GPRIN3: variants seen among roughly 807,000 people sequenced by gnomAD.
GPRIN3 encodes the protein G protein-regulated inducer of neurite outgrowth 3.
A neutral mutation model predicts 13.7 loss-of-function variants in GPRIN3; 12 were observed. That is an observed-to-expected ratio of 0.87 (90% CI 0.56 to 1.42). GPRIN3 has a LOEUF of 1.42. GPRIN3 is among the 40% of genes most tolerant of loss of function. The pLI is 0.00. For synonymous variants in GPRIN3, 377 were observed against 372.7 expected, an observed-to-expected ratio of 1.01 and a Z score of -0.13; for missense variants, 1,009 against 958.7, an observed-to-expected ratio of 1.05 and a Z score of -0.69.
At chr4:89,257,330 A>C (rs1723494014) in intron 1 of GPRIN3, among the ~76,000 whole-genome samples, 1 of 152,190 alleles carries the variant, frequency 6.6e-6, no homozygotes, top group African/African-American at 2.4e-5. Context: ...ACTGTAAGCA[A>C]GACTGGATAA....
rs1306169815 is a variant in GPRIN3, at chr4:89,248,589, C to G, written c.1522G>C (p.Asp508His). Residue 508 changes from aspartate (D) to histidine (H), a missense_variant, in exon 2 of 2, where the codon GAT becomes CAT. Asp to His is a moderately conservative substitution (Grantham distance 81). Transcript: ENST00000609438. ...KTTNGHKTDP[D>H]CKLSDSCGSI... The stretch of plus-strand genomic sequence containing the variant: ...CCACAAGAGTCAGATAGTTTGCAAT[C>G]TGGGTCTGTTTTGTGGCCGTTTGTC... The G allele has an allele frequency of 6.2e-7, 1 of 1,613,434 alleles. No individual in the cohort carries two copies. The highest frequency in any genetic ancestry group is 1.7e-5 in the Admixed American group (1 of 60,000).
At chr4:89,284,435 G>A (rs1724343547) in intron 1 of GPRIN3, among the ~76,000 whole-genome samples, 1 of 152,194 alleles carries the variant, frequency 6.6e-6, no homozygotes. Context: ...AGGCAAATTA[G>A]TTGACTCCCC....
At chr4:89,302,100 G>C (rs780592742) in intron 1 of GPRIN3, among the ~76,000 whole-genome samples, 2 of 152,194 alleles carry the variant, frequency 1.3e-5, no homozygotes, top group Non-Finnish European at 2.9e-5. Context: ...CGATATTTCT[G>C]CTACGCTAGA....
rs1723290695 is a variant in GPRIN3, at chr4:89,250,237, T to C, written c.-123-4A>G. 6.7e-7 allele frequency: 1 copy of C among 1,494,496 alleles called. No homozygotes were observed. Among genetic ancestry groups the C allele is most frequent in the East Asian group, 2.3e-5 (1 of 43,614 alleles). 92.6% of individuals were successfully genotyped at this position (1,494,496 alleles called of 1,614,324 possible). On this transcript the variant is annotated splice_region_variant and splice_polypyrimidine_tract_variant and intron_variant, in intron 1 of 1. Coordinates refer to ENST00000609438, the MANE Select transcript of GPRIN3 (RefSeq NM_198281.3). ...ATGATTCCTCTGAAGAACCAGCCTG[T>C]GAATCAAGGAAACAGCATCATTAAT...
chr4:89,281,255 C>G, intron 1 of GPRIN3, among the ~76,000 whole-genome samples: 1 of 152,048 alleles, frequency 6.6e-6, no homozygotes, highest in East Asian at 1.9e-4. Flanking sequence ...TTCCAAGTAG[C>G]TGGGATTACA....
chr4:89,265,482 A>G (rs949510592), intron 1 of GPRIN3, among the ~76,000 whole-genome samples: 2 of 152,162 alleles, frequency 1.3e-5, no homozygotes, highest in Admixed American at 1.3e-4. Context: ...TATTCTTTCA[A>G]ATTTGTCTTT....
intron 1 of GPRIN3, among the ~76,000 whole-genome samples, chr4:89,270,932 C>T (rs1442938894): frequency 6.6e-6 from 1 of 152,068 alleles, no homozygotes; most frequent in Non-Finnish European, 1.5e-5. Flanking sequence ...AGAAGACAAA[C>T]ATTTCATAGG....
chr4:89,263,094 G>A (rs892165285), intron 1 of GPRIN3, among the ~76,000 whole-genome samples: 25 of 152,206 alleles, frequency 1.6e-4, no homozygotes, highest in African/African-American at 5.5e-4. Flanking sequence ...GGGCTTAACT[G>A]AATTTATCAT....
chr4:89,247,497 T>G lies in GPRIN3; in HGVS notation c.*283A>C. ...AATAATGCTATTTCTATGAACAACA[T>G]CATATTTTTAAAAACCCAGTGAGTA... On this transcript the variant is annotated 3_prime_UTR_variant, in exon 2 of 2. Coordinates refer to ENST00000609438, the MANE Select transcript of GPRIN3 (RefSeq NM_198281.3). 2.9e-6 allele frequency: 1 copy of G among 343,496 alleles called. No individual in the cohort carries two copies. The highest frequency in any genetic ancestry group is 5.2e-6 in the Non-Finnish European group (1 of 190,576). 21.3% of individuals were successfully genotyped at this position (343,496 alleles called of 1,614,324 possible). A position where few individuals can be genotyped will look rare whatever the true frequency, so the allele number is the denominator to read the frequency against.
rs1375109824 is a variant in GPRIN3, at chr4:89,249,283, T to A, written c.828A>T (p.Ala276=). The change falls in exon 2 of 2, where the codon GCA becomes GCT. Residue 276 remains alanine (A), a synonymous_variant. Coordinates refer to ENST00000609438, the MANE Select transcript of GPRIN3 (RefSeq NM_198281.3). Reference sequence around the variant, plus strand: ...GCACCTTCTCTGGACCTGGGGGACATGCCGAAGGTTCGCTAGTGAGGGGGG... The same window carrying A: ...GCACCTTCTCTGGACCTGGGGGACAAGCCGAAGGTTCGCTAGTGAGGGGGG... The part of the protein sequence containing the change: ...QPTPLTSEPS[A]CPPGPEKVPL... The A allele has an allele frequency of 6.2e-7, 1 of 1,613,918 alleles. No homozygotes were observed. The highest frequency in any genetic ancestry group is 8.5e-7 in the Non-Finnish European group (1 of 1,180,020).
chr4:89,274,935 G>C (rs1724051288), intron 1 of GPRIN3, among the ~76,000 whole-genome samples: 1 of 152,164 alleles, frequency 6.6e-6, no homozygotes, highest in African/African-American at 2.4e-5. Context: ...GTGACGACAG[G>C]TAGCTGCTGT....
intron 1 of GPRIN3, among the ~76,000 whole-genome samples, chr4:89,295,655 A>G (rs1394401658): frequency 6.6e-6 from 1 of 152,174 alleles, no homozygotes; most frequent in Non-Finnish European, 1.5e-5. Flanking sequence ...AAGATTTAAA[A>G]AAAAACAAGT....
rs928891155 is a variant in GPRIN3 at position 89,240,895 on chromosome 4, A to G, written c.*6885T>C. The G allele has an allele frequency of 5.9e-5, 9 of 152,230 alleles. No individual in the cohort carries two copies. The highest frequency in any genetic ancestry group is 2.2e-4 in the African/African-American group (9 of 41,452). 9.4% of individuals were successfully genotyped at this position (152,230 alleles called of 1,614,324 possible). A position where few individuals can be genotyped will look rare whatever the true frequency, so the allele number is the denominator to read the frequency against. On this transcript the variant is annotated 3_prime_UTR_variant, in exon 2 of 2. Coordinates refer to ENST00000609438, the MANE Select transcript of GPRIN3 (RefSeq NM_198281.3). ...TTTTTATGTGTAGAAAATGAAAAAT[A>G]TATATTGATTAGCCCTTTTGAGGCT...
At position 89,280,179 on chromosome 4, in the gene GPRIN3, CTA is replaced by C. The variant is rs532671302; in HGVS notation, c.-124+27434_-124+27435del. On this transcript the variant is annotated intron_variant, in intron 1 of 1. Coordinates refer to ENST00000609438, the MANE Select transcript of GPRIN3 (RefSeq NM_198281.3). ...ATGGATCCTTCCTTTGTAATATCTCCTATGTCTACCCACCTCCTCTCTAGTCT... is the reference window on the plus strand; with the variant it reads ...ATGGATCCTTCCTTTGTAATATCTCCTGTCTACCCACCTCCTCTCTAGTCT... Among the ~76,000 whole-genome samples, 23 of 152,262 alleles carry C rather than the reference CTA, an allele frequency of 1.5e-4. 1 individual carries two copies. The East Asian group carries it at 4.2e-3, about 28-fold the overall frequency.
At chr4:89,262,667 G>A (rs574508887) in intron 1 of GPRIN3, among the ~76,000 whole-genome samples, 1 of 152,284 alleles carries the variant, frequency 6.6e-6, no homozygotes, top group South Asian at 2.1e-4. Context: ...AAAGCTCCAA[G>A]CTGGGCAATG....
At chr4:89,274,623 C>T (rs1312618911) in intron 1 of GPRIN3, among the ~76,000 whole-genome samples, 3 of 152,192 alleles carry the variant, frequency 2.0e-5, no homozygotes, top group Non-Finnish European at 4.4e-5. Context: ...ATTTAGAAGA[C>T]ACAGACTTGA....
intron 1 of GPRIN3, among the ~76,000 whole-genome samples, chr4:89,282,272 T>C (rs1561217051): frequency 6.6e-6 from 1 of 152,232 alleles, no homozygotes; most frequent in Non-Finnish European, 1.5e-5. Flanking sequence ...TTTTACTGTT[T>C]TGAATAGTAG....
intron 1 of GPRIN3, among the ~76,000 whole-genome samples, chr4:89,300,940 CT>C (rs1724880005): frequency 6.6e-6 from 1 of 152,100 alleles, no homozygotes; most frequent in South Asian, 2.1e-4. Flanking sequence ...ACAATTTTAG[CT>C]GCTTCATTTT....
In GPRIN3 at chr4:89,242,877, A is replaced by G. The variant is rs564073223; in HGVS notation, c.*4903T>C. 3 of 152,296 alleles carry G rather than the reference A, an allele frequency of 2.0e-5. No individual in the cohort carries two copies. Among genetic ancestry groups the G allele is most frequent in the Admixed American group, 2.0e-4 (3 of 15,298 alleles). The allele number at this position is 152,296 out of a possible 1,614,324, so 9.4% of individuals were successfully genotyped here. A position where few individuals can be genotyped will look rare whatever the true frequency, so the allele number is the denominator to read the frequency against. On this transcript the variant is annotated 3_prime_UTR_variant, in exon 2 of 2. Transcript: ENST00000609438. Reference sequence around the variant, plus strand: ...TTTCACCAAGGTCCAAGGTTATTTGAATGTTGTTTATAATTATCATCACGT... The same window carrying G: ...TTTCACCAAGGTCCAAGGTTATTTGGATGTTGTTTATAATTATCATCACGT...
Sources: gnomAD v4.1 joint callset for allele counts (sites outside exome capture counted in the v4.1 genomes callset) on GRCh38, gnomAD v4.1.1 for gene constraint, MANE v1.5 for transcripts, NCBI Gene and HGNC (gene_info 2026-07-23, HGNC 2026-07-21) for gene names.